GALNT18: variants seen among roughly 807,000 people sequenced by gnomAD.
The protein encoded by GALNT18 is polypeptide N-acetylgalactosaminyltransferase 18.
A neutral mutation model predicts 69.5 loss-of-function variants in GALNT18; 44 were observed. The ratio of observed to expected loss-of-function variants is 0.63; its 90% CI spans 0.50 to 0.81. The LOEUF (loss-of-function observed/expected upper bound fraction) is 0.81. Among genes scored for constraint, GALNT18 ranks in the 40% least tolerant of loss-of-function variants. GALNT18 has a pLI of 0.00. For missense variants in GALNT18, 715 were observed against 810.0 expected, an observed-to-expected ratio of 0.88 and a Z score of 1.42; for synonymous variants, 364 against 318.2, an observed-to-expected ratio of 1.14 and a Z score of -1.53.
At chr11:11,361,022 C>A (rs570440654) in intron 6 of GALNT18, among the ~76,000 whole-genome samples, 22 of 152,296 alleles carry the variant, frequency 1.4e-4, no homozygotes, top group Non-Finnish European at 2.8e-4. Flanking sequence ...AAGCTCATGA[C>A]TTTTTCTACA....
At chr11:11,498,556 T>C (rs1432390001) in intron 1 of GALNT18, among the ~76,000 whole-genome samples, 1 of 152,228 alleles carries the variant, frequency 6.6e-6, no homozygotes, top group East Asian at 1.9e-4. Flanking sequence ...CCCAACACTT[T>C]GGGAGGCCAA....
intron 6 of GALNT18, among the ~76,000 whole-genome samples, chr11:11,350,581 A>T (rs1850382588): frequency 6.6e-6 from 1 of 152,044 alleles, no homozygotes. Flanking sequence ...TGTGGCAGAG[A>T]CCCCTATTGC....
intron 1 of GALNT18, among the ~76,000 whole-genome samples, chr11:11,548,756 T>C (rs1858124496): frequency 1.3e-5 from 2 of 152,228 alleles, no homozygotes; most frequent in South Asian, 4.1e-4. Context: ...AGGCTAAAAG[T>C]TTCTTATCCA....
chr11:11,553,616 G>A (rs1858254153), intron 1 of GALNT18, among the ~76,000 whole-genome samples: 1 of 152,174 alleles, frequency 6.6e-6, no homozygotes, highest in Non-Finnish European at 1.5e-5. Context: ...GGAGAAATGG[G>A]AAAGCCCCTG....
rs1855383547 is a variant in GALNT18, at chr11:11,435,725, C to CGCTGAT, written c.429-2944_429-2939dup. ...TACGGCCTACATTTTGAGTGTCTGC[C>CGCTGAT]GCTGATGTCAGACTGCTCCTTTTTC... On this transcript the variant is annotated intron_variant, in intron 2 of 10. Transcript: ENST00000227756. The surrounding 1 kb of genome is among the most constrained non-coding windows in gnomAD (Gnocchi z 4.4). 6.6e-6 allele frequency among the ~76,000 whole-genome samples: 1 copy of CGCTGAT among 152,086 alleles called. No individual in the cohort carries two copies. The highest frequency in any genetic ancestry group is 1.5e-5 in the Non-Finnish European group (1 of 68,038).
intron 1 of GALNT18, among the ~76,000 whole-genome samples, chr11:11,509,076 C>T (rs1857122167): frequency 1.3e-5 from 2 of 152,120 alleles, no homozygotes; most frequent in South Asian, 2.1e-4. Context: ...TTCTTCTACA[C>T]CCCCATGCTT....
chr11:11,344,703 G>A (rs920505565), intron 6 of GALNT18, among the ~76,000 whole-genome samples: 2 of 152,200 alleles, frequency 1.3e-5, no homozygotes, highest in African/African-American at 4.8e-5. Flanking sequence ...CCCTGTGGGT[G>A]AGGGGATGCA....
chr11:11,539,964 G>T (rs1426075572), intron 1 of GALNT18, among the ~76,000 whole-genome samples: 1 of 152,210 alleles, frequency 6.6e-6, no homozygotes, highest in African/African-American at 2.4e-5. Context: ...CAGGGGTAAA[G>T]GGCACCTGGA....
chr11:11,479,444 A>G (rs1046866058), intron 1 of GALNT18, among the ~76,000 whole-genome samples: 1 of 152,194 alleles, frequency 6.6e-6, no homozygotes, highest in Non-Finnish European at 1.5e-5. Flanking sequence ...GAATCAGAAA[A>G]CAGTGGTGCC....
rs1000956681 is a variant in GALNT18, at chr11:11,404,137, C to T, written c.596-24873G>A. 6.6e-6 allele frequency among the ~76,000 whole-genome samples: 1 copy of T among 152,204 alleles called. No individual in the cohort carries two copies. Among genetic ancestry groups the T allele is most frequent in the Non-Finnish European group, 1.5e-5 (1 of 68,036 alleles). ...AGAGCATTCCCATGTCTCATGGGCT[C>T]CCCATGAAACGGGCTTTCTCTTCCG... is the stretch of plus-strand genomic sequence containing the variant. On this transcript the variant is annotated intron_variant, in intron 3 of 10. Transcript: ENST00000227756. This position sits in a 1 kb window ranked among gnomAD's most constrained non-coding sequence, Gnocchi z 4.5.
intron 3 of GALNT18, among the ~76,000 whole-genome samples, chr11:11,390,223 T>C (rs1288013527): frequency 6.6e-6 from 1 of 152,188 alleles, no homozygotes; most frequent in East Asian, 1.9e-4. Context: ...TCTGCAAGAC[T>C]GTGTGCTCGT....
intron 1 of GALNT18, among the ~76,000 whole-genome samples, chr11:11,471,210 A>C (rs561261995): frequency 7.7e-4 from 117 of 152,088 alleles, no homozygotes; most frequent in South Asian, 2.3e-3. Context: ...TACCTCTCTC[A>C]TGGTTGCAGC....
intron 1 of GALNT18, among the ~76,000 whole-genome samples, chr11:11,566,336 T>C (rs961195893): frequency 6.6e-6 from 1 of 152,184 alleles, no homozygotes; most frequent in African/African-American, 2.4e-5. Flanking sequence ...AAACTTTATT[T>C]ATGAAAACAA....
chr11:11,482,741 A>C (rs1363064105), intron 1 of GALNT18, among the ~76,000 whole-genome samples: 2 of 152,244 alleles, frequency 1.3e-5, no homozygotes, highest in Non-Finnish European at 2.9e-5. Context: ...GGGCTGGTAC[A>C]TCAGTTCTTC....
chr11:11,334,123 G>T (rs1850067705), intron 7 of GALNT18, among the ~76,000 whole-genome samples: 2 of 152,142 alleles, frequency 1.3e-5, no homozygotes, highest in African/African-American at 4.8e-5. Context: ...CAACTCCAGG[G>T]ATTGAGTTAC....
intron 9 of GALNT18, among the ~76,000 whole-genome samples, chr11:11,305,033 C>T (rs182623902): frequency 5.8e-4 from 88 of 152,286 alleles, no homozygotes; most frequent in Middle Eastern, 6.8e-3. Flanking sequence ...AGGGGTACTG[C>T]CAAGCCTTAA....
chr11:11,414,311 A>G (rs1276580437), intron 3 of GALNT18, among the ~76,000 whole-genome samples: 2 of 152,222 alleles, frequency 1.3e-5, no homozygotes, highest in Non-Finnish European at 2.9e-5. Flanking sequence ...TGTGTATTGC[A>G]CTGAAAGTAA....
chr11:11,334,474 T>C, intron 7 of GALNT18, among the ~76,000 whole-genome samples: 1 of 148,642 alleles, frequency 6.7e-6, no homozygotes. Flanking sequence ...ACCCAGGAGG[T>C]GGAGCTTGCA....
At position 11,583,400 on chromosome 11, in the gene GALNT18, A is replaced by G. The variant is rs1042076043; in HGVS notation, c.235+37959T>C. On this transcript the variant is annotated intron_variant, in intron 1 of 10. Transcript: ENST00000227756. The surrounding 1 kb of genome is among the most constrained non-coding windows in gnomAD (Gnocchi z 4.7). The stretch of plus-strand genomic sequence containing the variant: ...GTGCCAAGTACATAGGAGGAGCTCA[A>G]TTCATACATTCTGAATGAATGAAGA... 1.4e-4 allele frequency among the ~76,000 whole-genome samples: 22 copies of G among 152,220 alleles called. No homozygotes were observed. Among genetic ancestry groups the G allele is most frequent in the Non-Finnish European group, 3.1e-4 (21 of 68,030 alleles).
Sources: gnomAD v4.1 joint callset for allele counts (sites outside exome capture counted in the v4.1 genomes callset) on GRCh38, gnomAD v4.1.1 for gene constraint, Gnocchi (gnomAD v3.1) non-coding constraint, MANE v1.5 for transcripts, NCBI Gene and HGNC (gene_info 2026-07-23, HGNC 2026-07-21) for gene names.